Variants in ULK4 observed in about 807,000 individuals in gnomAD.
ULK4 encodes the protein unc-51 like kinase 4.
Under a neutral mutation model 160.6 loss-of-function variants are expected in ULK4, and 133 were observed. The ratio of observed to expected loss-of-function variants is 0.83; its 90% CI spans 0.72 to 0.96. ULK4 has a LOEUF of 0.96. Among genes scored for constraint, ULK4 ranks in the 40% least tolerant of loss-of-function variants. The probability of loss-of-function intolerance (pLI) is 0.00; values close to 1 mark genes in which losing one functional copy is unlikely to be tolerated. For synonymous variants in ULK4, 534 were observed against 539.8 expected (o/e 0.99, Z 0.15); for missense variants, 1,580 against 1,499.5 (o/e 1.05, Z -0.89).
intron 32 of ULK4, among the ~76,000 whole-genome samples, chr3:41,507,352 T>A (rs1161044644): frequency 1.3e-5 from 2 of 152,020 alleles, no homozygotes; most frequent in Admixed American, 1.3e-4. Flanking sequence ...GCTTGATATT[T>A]TAGCAAGAAA....
intron 34 of ULK4, among the ~76,000 whole-genome samples, chr3:41,405,167 G>T (rs988735168): frequency 6.6e-5 from 10 of 151,774 alleles, no homozygotes; most frequent in African/African-American, 2.4e-4. Context: ...GTCTATTTTT[G>T]CCATCTTTAT....
At chr3:41,263,281 T>C (rs762656150) in intron 35 of ULK4, among the ~76,000 whole-genome samples, 1 of 152,186 alleles carries the variant, frequency 6.6e-6, no homozygotes, top group Admixed American at 6.5e-5. Flanking sequence ...GTGAGCTGTG[T>C]ATTTGACAAC....
chr3:41,681,612 G>A lies in ULK4; in HGVS notation c.2874C>T (p.Thr958=). ...ACTCCTGGTTCACGAGTAGAGATGT[G>A]GTTTCTGAGAGCAACCGCAAGCTAA... ...RLFSLRLLSE[T]TSLLVNQEFG... The change falls in exon 29 of 37, where the codon ACC becomes ACT. Residue 958 remains threonine, a synonymous_variant. Coordinates refer to ENST00000301831, the MANE Select transcript of ULK4 (RefSeq NM_017886.4). 1 of 1,613,864 alleles carries A rather than the reference G, an allele frequency of 6.2e-7. No individual in the cohort carries two copies. Among genetic ancestry groups the A allele is most frequent in the Non-Finnish European group, 8.5e-7 (1 of 1,179,958 alleles).
intron 18 of ULK4, among the ~76,000 whole-genome samples, chr3:41,834,306 C>A (rs1013716780): frequency 2.0e-5 from 3 of 151,944 alleles, no homozygotes. Flanking sequence ...GTAAATACTA[C>A]TTTTGTGCAT....
intron 22 of ULK4, among the ~76,000 whole-genome samples, chr3:41,740,926 A>G (rs2038221394): frequency 6.6e-6 from 1 of 151,994 alleles, no homozygotes; most frequent in South Asian, 2.1e-4. Flanking sequence ...CATGAATACA[A>G]TACCTGGGCT....
intron 35 of ULK4, among the ~76,000 whole-genome samples, chr3:41,291,917 G>A (rs183256043): frequency 1.3e-5 from 2 of 150,050 alleles, no homozygotes; most frequent in East Asian, 2.0e-4. Flanking sequence ...TGCAAGCTCC[G>A]CCTCCCGGGT....
intron 35 of ULK4, among the ~76,000 whole-genome samples, chr3:41,305,950 C>A (rs1369879153): frequency 1.3e-5 from 2 of 149,326 alleles, no homozygotes; most frequent in Admixed American, 6.6e-5. Context: ...TGCCCGGCCG[C>A]CCCGTCTGAG....
At chr3:41,825,573 T>A (rs757051756) in intron 18 of ULK4, among the ~76,000 whole-genome samples, 1 of 152,040 alleles carries the variant, frequency 6.6e-6, no homozygotes, top group South Asian at 2.1e-4. Context: ...TGATGGAAGA[T>A]CAAATGAATG....
At chr3:41,871,073 GAGGCCTCCCC>G (rs1286900864) in intron 17 of ULK4, among the ~76,000 whole-genome samples, 1 of 152,232 alleles carries the variant, frequency 6.6e-6, no homozygotes, top group East Asian at 1.9e-4. Context: ...TAAGTTTCCT[GAGGCCTCCCC>G]AGCCATGTGG....
chr3:41,802,005 G>C (rs1346042127), intron 19 of ULK4, among the ~76,000 whole-genome samples: 1 of 149,844 alleles, frequency 6.7e-6, no homozygotes, highest in Non-Finnish European at 1.5e-5. Context: ...TATATTTTAA[G>C]TACCAAAAGA....
intron 32 of ULK4, among the ~76,000 whole-genome samples, chr3:41,483,097 C>G (rs2084384752): frequency 6.6e-6 from 1 of 152,114 alleles, no homozygotes; most frequent in African/African-American, 2.4e-5. Context: ...CTAGCAAATA[C>G]CAGATCTTAT....
chr3:41,265,795 G>A (rs1180797697), intron 35 of ULK4, among the ~76,000 whole-genome samples: 1 of 152,214 alleles, frequency 6.6e-6, no homozygotes, highest in Non-Finnish European at 1.5e-5. Flanking sequence ...CTGGCTCCAG[G>A]AGAAGGGAAG....
chr3:41,384,190 T>C (rs1466110241), intron 35 of ULK4, among the ~76,000 whole-genome samples: 4 of 152,014 alleles, frequency 2.6e-5, no homozygotes, highest in Admixed American at 2.0e-4. Flanking sequence ...TGATATAGTA[T>C]AAGGGGCCAC....
chr3:41,313,208 T>C (rs770063562), intron 35 of ULK4, among the ~76,000 whole-genome samples: 2 of 152,170 alleles, frequency 1.3e-5, no homozygotes, highest in Non-Finnish European at 2.9e-5. Flanking sequence ...TTAGTGGCAA[T>C]GTGTTTTTCC....
At chr3:41,382,333 G>C (rs2081675312) in intron 35 of ULK4, among the ~76,000 whole-genome samples, 1 of 152,154 alleles carries the variant, frequency 6.6e-6, no homozygotes, top group Non-Finnish European at 1.5e-5. Flanking sequence ...TGAGTGAATG[G>C]TCACTCTGTC....
chr3:41,347,727 G>A (rs1029765607), intron 35 of ULK4, among the ~76,000 whole-genome samples: 9 of 152,136 alleles, frequency 5.9e-5, no homozygotes, highest in African/African-American at 1.4e-4. Context: ...GACAAAAGGA[G>A]TCTCTCCTTC....
At chr3:41,499,147 C>T (rs1195524398) in intron 32 of ULK4, among the ~76,000 whole-genome samples, 1 of 152,060 alleles carries the variant, frequency 6.6e-6, no homozygotes, top group Non-Finnish European at 1.5e-5. Context: ...AAACATGAAC[C>T]ACAGGTCCAC....
At chr3:41,578,012 T>C (rs1465234239) in intron 31 of ULK4, among the ~76,000 whole-genome samples, 1 of 152,220 alleles carries the variant, frequency 6.6e-6, no homozygotes, top group African/African-American at 2.4e-5. Flanking sequence ...GAACAGCAAG[T>C]GATGAATAGG....
At chr3:41,329,856 T>C (rs1359709869) in intron 35 of ULK4, among the ~76,000 whole-genome samples, 1 of 152,212 alleles carries the variant, frequency 6.6e-6, no homozygotes, top group African/African-American at 2.4e-5. Flanking sequence ...AGGGTATTTA[T>C]TAGAAGAGCA....
Sources: gnomAD v4.1 joint callset for allele counts (sites outside exome capture counted in the v4.1 genomes callset) on GRCh38, gnomAD v4.1.1 for gene constraint, MANE v1.5 for transcripts, NCBI Gene and HGNC (gene_info 2026-07-23, HGNC 2026-07-21) for gene names.